Variants in LPP observed in about 807,000 individuals in gnomAD.
LPP encodes the protein LIM domain containing preferred translocation partner in lipoma.
In LPP, 38 loss-of-function variants were observed where a neutral mutation model predicts 60.4. The ratio of observed to expected loss-of-function variants is 0.63; its 90% CI spans 0.49 to 0.83. The LOEUF (loss-of-function observed/expected upper bound fraction) is 0.83. Ranked by LOEUF, LPP falls within the 40% of genes least tolerant of loss-of-function variation. The pLI, the probability that LPP is intolerant of heterozygous loss-of-function variation, is 0.00. For missense variants in LPP, 902 were observed against 783.6 expected, an observed-to-expected ratio of 1.15 and a Z score of -1.80; for synonymous variants, 328 against 290.8, an observed-to-expected ratio of 1.13 and a Z score of -1.30.
intron 3 of LPP, among the ~76,000 whole-genome samples, chr3:188,399,148 G>A (rs563052409): frequency 4.6e-5 from 7 of 152,290 alleles, no homozygotes; most frequent in African/African-American, 1.7e-4. Context: ...CAGAGATAAC[G>A]GAAGTTACAC....
chr3:188,707,035 T>G (rs1202294167), intron 7 of LPP, among the ~76,000 whole-genome samples: 1 of 152,218 alleles, frequency 6.6e-6, no homozygotes, highest in Non-Finnish European at 1.5e-5. Context: ...AAATCTAGTA[T>G]ATGGCCTTTA....
At chr3:188,267,822 G>A (rs528761428) in intron 2 of LPP, among the ~76,000 whole-genome samples, 2 of 152,184 alleles carry the variant, frequency 1.3e-5, no homozygotes, top group Admixed American at 6.5e-5. Context: ...TTCTCAAGGG[G>A]GATGTCAGCC....
At chr3:188,293,194 T>C (rs1746608778) in intron 2 of LPP, among the ~76,000 whole-genome samples, 1 of 152,226 alleles carries the variant, frequency 6.6e-6, no homozygotes, top group African/African-American at 2.4e-5. Context: ...CACAGCACAT[T>C]ATAGGTATTT....
At chr3:188,320,201 T>C (rs1400977233) in intron 2 of LPP, among the ~76,000 whole-genome samples, 1 of 152,238 alleles carries the variant, frequency 6.6e-6, no homozygotes, top group Non-Finnish European at 1.5e-5. Flanking sequence ...AGACCAGTTG[T>C]CTGGGACTAT....
chr3:188,453,414 G>T (rs972224408), intron 4 of LPP, among the ~76,000 whole-genome samples: 1 of 151,940 alleles, frequency 6.6e-6, no homozygotes, highest in South Asian at 2.1e-4. Flanking sequence ...GTATGATACC[G>T]ACCGGATCCT....
chr3:188,539,170 T>G, intron 6 of LPP, among the ~76,000 whole-genome samples: 1 of 152,216 alleles, frequency 6.6e-6, no homozygotes, highest in South Asian at 2.1e-4. Context: ...GAATCATGTC[T>G]TAACTAAAAA....
intron 9 of LPP, among the ~76,000 whole-genome samples, chr3:188,814,990 G>A (rs908263191): frequency 4.6e-5 from 7 of 152,192 alleles, no homozygotes; most frequent in Non-Finnish European, 1.0e-4. Context: ...CTCCCTTTGG[G>A]TATTTGATGA....
chr3:188,449,073 CGTTG>C (rs1795993470), intron 4 of LPP, among the ~76,000 whole-genome samples: 3 of 152,184 alleles, frequency 2.0e-5, no homozygotes, highest in African/African-American at 4.8e-5. Context: ...ATCCAAAAGA[CGTTG>C]GAAGCAACAA....
intron 1 of LPP, among the ~76,000 whole-genome samples, chr3:188,218,520 A>T (rs1040291959): frequency 2.0e-5 from 3 of 152,236 alleles, no homozygotes; most frequent in Non-Finnish European, 4.4e-5. Context: ...AGGCTTTCTC[A>T]TGCGCCCCTC....
intron 7 of LPP, among the ~76,000 whole-genome samples, chr3:188,635,294 A>G (rs373754500): frequency 2.0e-5 from 3 of 152,108 alleles, no homozygotes; most frequent in African/African-American, 7.2e-5. Context: ...ATCAGTGGGG[A>G]CAGCTTAGAA....
chr3:188,298,549 A>C (rs149157966), intron 2 of LPP, among the ~76,000 whole-genome samples: 81 of 152,272 alleles, frequency 5.3e-4, no homozygotes, highest in African/African-American at 1.9e-3. Flanking sequence ...ACTAGGGCAC[A>C]CACTTCTCGT....
At chr3:188,647,186 A>G (rs1851255213) in intron 7 of LPP, among the ~76,000 whole-genome samples, 1 of 152,166 alleles carries the variant, frequency 6.6e-6, no homozygotes, top group African/African-American at 2.4e-5. Flanking sequence ...AACACACTGC[A>G]TTTCCCACCA....
At chr3:188,555,539 A>G (rs1323838860) in intron 6 of LPP, among the ~76,000 whole-genome samples, 1 of 152,114 alleles carries the variant, frequency 6.6e-6, no homozygotes, top group African/African-American at 2.4e-5. Context: ...TTGCAGCCTC[A>G]ACAACTATTG....
At chr3:188,728,561 C>G (rs6444321) in intron 8 of LPP, among the ~76,000 whole-genome samples, 104,254 of 152,036 alleles carry the variant, frequency 0.69, 35,753 homozygotes, top group Middle Eastern at 0.78. Context: ...CTATTCACTT[C>G]GTTTAGTTAA....
intron 5 of LPP, among the ~76,000 whole-genome samples, chr3:188,494,803 A>C (rs1292666071): frequency 6.6e-6 from 1 of 151,978 alleles, no homozygotes; most frequent in Non-Finnish European, 1.5e-5. Flanking sequence ...CGTGCTGCTC[A>C]ACCTTTCTGT....
intron 7 of LPP, among the ~76,000 whole-genome samples, chr3:188,637,804 A>G (rs1188115041): frequency 1.3e-5 from 2 of 152,320 alleles, no homozygotes; most frequent in Non-Finnish European, 2.9e-5. Context: ...TGCTCCCAAG[A>G]CTAAACCAGG....
intron 6 of LPP, among the ~76,000 whole-genome samples, chr3:188,582,028 TCA>T (rs1444741410): frequency 2.0e-5 from 3 of 152,204 alleles, no homozygotes; most frequent in Non-Finnish European, 4.4e-5. Context: ...TGCCAACTTT[TCA>T]CAGTTATTGC....
intron 10 of LPP, 38 bp from the exon 11 acceptor site, chr3:188,872,605 C>T (rs1330366883): frequency 6.2e-7 from 1 of 1,613,306 alleles, no homozygotes; most frequent in Non-Finnish European, 8.5e-7. Context: ...TCAGTGTCGA[C>T]GCGCAGTATC....
intron 4 of LPP, among the ~76,000 whole-genome samples, chr3:188,439,182 T>C (rs867208880): frequency 2.0e-5 from 3 of 152,302 alleles, no homozygotes; most frequent in South Asian, 2.1e-4. Context: ...ACCTTTTCTA[T>C]TTTGGTTGTT....
Sources: allele counts gnomAD v4.1 joint callset (sites outside exome capture counted in the v4.1 genomes callset), GRCh38; gene constraint gnomAD v4.1.1; transcripts MANE v1.5; gene names NCBI Gene and HGNC (gene_info 2026-07-23, HGNC 2026-07-21).